Variants in DCLK1 observed in about 807,000 individuals in gnomAD.
DCLK1 encodes serine/threonine-protein kinase DCLK1.
A neutral mutation model predicts 86.2 loss-of-function variants in DCLK1; 16 were observed. The observed-to-expected ratio is 0.19, with a 90% CI of 0.13 to 0.28. The LOEUF (loss-of-function observed/expected upper bound fraction) is 0.28. DCLK1 is among the 10% of genes least tolerant of loss of function. DCLK1 has a pLI of 1.00. For missense variants in DCLK1, 590 were observed against 940.2 expected (o/e 0.63, Z 4.87); for synonymous variants, 369 against 370.5 (o/e 1.00, Z 0.05).
At chr13:35,825,255 G>A (rs1262922850) in intron 10 of DCLK1, among the ~76,000 whole-genome samples, 1 of 152,178 alleles carries the variant, frequency 6.6e-6, no homozygotes, top group Admixed American at 6.5e-5. Flanking sequence ...AGTCTTTCAA[G>A]TCAAGCCTGG....
chr13:35,770,440 CAATT>C lies in DCLK1; in HGVS notation c.*4091_*4094del, dbSNP rs987739403. The C allele has an allele frequency of 2.1e-4, 32 of 152,232 alleles. No homozygotes were observed. Among genetic ancestry groups the C allele is most frequent in the African/African-American group, 7.5e-4 (31 of 41,540 alleles). The allele number at this position is 152,232 out of a possible 1,614,324, so 9.4% of individuals were successfully genotyped here. On this transcript the variant is annotated 3_prime_UTR_variant, in exon 17 of 17. Coordinates refer to ENST00000360631, the MANE Select transcript of DCLK1 (RefSeq NM_001330071.2). ...ACTAGAATGGCTCCATGAAATTTGA[CAATT>C]AAGTAAGGAAATCTTTATCCCCAAA...
chr13:36,082,270 T>G (rs1211541381), intron 3 of DCLK1, among the ~76,000 whole-genome samples: 1 of 152,178 alleles, frequency 6.6e-6, no homozygotes, highest in African/African-American at 2.4e-5. Flanking sequence ...TTTATGGTGA[T>G]CCACTTCCAC....
chr13:36,012,206 T>C (rs1223722094), intron 3 of DCLK1, among the ~76,000 whole-genome samples: 1 of 138,954 alleles, frequency 7.2e-6, no homozygotes, highest in Non-Finnish European at 1.5e-5. Context: ...GTCTTTTAAT[T>C]GGAGAATTTA....
At chr13:35,992,496 A>C (rs1219919504) in intron 3 of DCLK1, among the ~76,000 whole-genome samples, 1 of 151,924 alleles carries the variant, frequency 6.6e-6, no homozygotes, top group Non-Finnish European at 1.5e-5. Flanking sequence ...GGTGAAACAA[A>C]GGGTTATACA....
chr13:35,938,388 G>C (rs985396735), intron 4 of DCLK1, among the ~76,000 whole-genome samples: 1 of 152,142 alleles, frequency 6.6e-6, no homozygotes, highest in Non-Finnish European at 1.5e-5. Context: ...CCAGCACTTT[G>C]GGAGGCCAAA....
rs1555345745 is a variant in DCLK1 at position 35,867,949 on chromosome 13, G to GAAAGAAAGAAAGAAA, written c.940+3260_940+3274dup. On this transcript the variant is annotated intron_variant, in intron 5 of 16. Coordinates refer to ENST00000360631, the MANE Select transcript of DCLK1 (RefSeq NM_001330071.2). ...AGAAAGAAAGAAAGAAAGAAAGAAAGAAAGAAAGAAAGAAAGAGAAAAAGA... is the reference window on the plus strand; with the variant it reads ...AGAAAGAAAGAAAGAAAGAAAGAAAGAAAGAAAGAAAGAAAAAAGAAAGAAAGAAAGAGAAAAAGA... Among the ~76,000 whole-genome samples, 1,322 of 140,742 alleles carry GAAAGAAAGAAAGAAA rather than the reference G, an allele frequency of 9.4e-3. 37 individuals are homozygous for GAAAGAAAGAAAGAAA. The highest frequency in any genetic ancestry group is 0.034 in the African/African-American group (1,252 of 37,308). The allele number at this position is 140,742 out of a possible 152,430, so 92.3% of individuals were successfully genotyped here.
intron 3 of DCLK1, among the ~76,000 whole-genome samples, chr13:35,951,117 G>A (rs1021339993): frequency 2.0e-5 from 3 of 151,850 alleles, no homozygotes; most frequent in Non-Finnish European, 4.4e-5. Context: ...TCAAGTTAAA[G>A]TTCATCTTTC....
chr13:35,770,972 T>C lies in DCLK1; in HGVS notation c.*3563A>G, dbSNP rs2086321487. ...AACCTTTGAGAATAGGAGTTTATCA[T>C]AGAAATGCTGACAGATCCTAACCCA... is the stretch of plus-strand genomic sequence containing the variant. On this transcript the variant is annotated 3_prime_UTR_variant, in exon 17 of 17. Transcript: ENST00000360631. 2 of 152,210 alleles carry C rather than the reference T, an allele frequency of 1.3e-5. No homozygotes were observed. Among genetic ancestry groups the C allele is most frequent in the Admixed American group, 1.3e-4 (2 of 15,274 alleles). 9.4% of individuals were successfully genotyped at this position (152,210 alleles called of 1,614,324 possible). A position where few individuals can be genotyped will look rare whatever the true frequency, so the allele number is the denominator to read the frequency against.
Position 35,936,962 on chromosome 13 carries a change from C to CTTTTTTTTTTTTTTTTTTTTTTTTT in DCLK1, c.823+10371_823+10395dup, listed in dbSNP as rs140269668. Among the ~76,000 whole-genome samples the CTTTTTTTTTTTTTTTTTTTTTTTTT allele has an allele frequency of 1.1e-3, 73 of 65,732 alleles. 6 individuals are homozygous for CTTTTTTTTTTTTTTTTTTTTTTTTT. The highest frequency in any genetic ancestry group is 1.9e-3 in the East Asian group (3 of 1,620). 43.1% of individuals were successfully genotyped at this position (65,732 alleles called of 152,430 possible). The stretch of plus-strand genomic sequence containing the variant: ...TTAAAACATCCAAAAGAAAAGTTAG[C>CTTTTTTTTTTTTTTTTTTTTTTTTT]TTTTTTTTTTTTTTTTTTTTTTTTT... On this transcript the variant is annotated intron_variant, in intron 4 of 16. Coordinates refer to ENST00000360631, the MANE Select transcript of DCLK1 (RefSeq NM_001330071.2).
At chr13:35,803,705 TTTG>T (rs1416279104) in intron 15 of DCLK1, among the ~76,000 whole-genome samples, 8 of 152,194 alleles carry the variant, frequency 5.3e-5, no homozygotes, top group Non-Finnish European at 1.0e-4. Flanking sequence ...ACCTCAAGCT[TTTG>T]TTGTTTTGGA....
chr13:35,997,994 T>C (rs1015731917), intron 3 of DCLK1, among the ~76,000 whole-genome samples: 9 of 152,206 alleles, frequency 5.9e-5, no homozygotes, highest in Non-Finnish European at 2.9e-5. Flanking sequence ...CAGACCATTG[T>C]TGGAGTGGCA....
intron 3 of DCLK1, among the ~76,000 whole-genome samples, chr13:35,956,023 C>A (rs1877958808): frequency 6.6e-6 from 1 of 152,150 alleles, no homozygotes; most frequent in South Asian, 2.1e-4. Context: ...AGTCCTATTC[C>A]TCTGGTTTCT....
intron 3 of DCLK1, among the ~76,000 whole-genome samples, chr13:36,088,308 C>A (rs1057058507): frequency 1.3e-5 from 2 of 152,138 alleles, no homozygotes; most frequent in Non-Finnish European, 2.9e-5. Flanking sequence ...AGGGCTGAGT[C>A]CAGTGAGGGA....
In DCLK1 at chr13:35,958,593, T is replaced by C. The variant is rs560048788; in HGVS notation, c.724-11136A>G. ...TCACCATCATTTCCATCAACACCAC[T>C]ATCTCCATAAGGGGAGCCCTTACAA... On this transcript the variant is annotated intron_variant, in intron 3 of 16. Transcript: ENST00000360631. 1.4e-4 allele frequency among the ~76,000 whole-genome samples: 21 copies of C among 152,294 alleles called. No individual in the cohort carries two copies. In the South Asian group the frequency reaches 4.1e-3, roughly 30 times the overall value.
Position 36,051,258 on chromosome 13 carries a change from A to C in DCLK1, c.723+60611T>G, listed in dbSNP as rs913449313. Among the ~76,000 whole-genome samples, 12 of 152,160 alleles carry C rather than the reference A, an allele frequency of 7.9e-5. No homozygotes were observed. In the South Asian group the frequency reaches 2.5e-3, roughly 32 times the overall value. On this transcript the variant is annotated intron_variant, in intron 3 of 16. Coordinates refer to ENST00000360631, the MANE Select transcript of DCLK1 (RefSeq NM_001330071.2). ...ATCTTTAAGGATTCATTTTTTGCCTATCTGGTCATCAAGGTCCCTGGAGAC... is the reference window on the plus strand; with the variant it reads ...ATCTTTAAGGATTCATTTTTTGCCTCTCTGGTCATCAAGGTCCCTGGAGAC...
intron 8 of DCLK1, 149 bp downstream of exon 8, chr13:35,835,884 T>A: frequency 3.5e-6 from 2 of 568,154 alleles, no homozygotes; most frequent in Non-Finnish European, 3.1e-6. Context: ...GTTAGATGGG[T>A]CTTTCTTTTG....
chr13:35,995,290 A>G (rs1179223416), intron 3 of DCLK1, among the ~76,000 whole-genome samples: 1 of 152,212 alleles, frequency 6.6e-6, no homozygotes, highest in Non-Finnish European at 1.5e-5. Flanking sequence ...GATTCAGTGG[A>G]GGAAATGACT....
At chr13:35,815,470 G>C (rs1448437957) in intron 11 of DCLK1, among the ~76,000 whole-genome samples, 2 of 152,098 alleles carry the variant, frequency 1.3e-5, no homozygotes, top group Non-Finnish European at 2.9e-5. Context: ...ATGAAACGTT[G>C]GCTAATGAAT....
chr13:36,114,481 C>A (rs1337049917), intron 2 of DCLK1, among the ~76,000 whole-genome samples: 1 of 152,184 alleles, frequency 6.6e-6, no homozygotes, highest in African/African-American at 2.4e-5. Context: ...GAGCTGCCAC[C>A]AAATCCAAGA....
Sources: allele counts gnomAD v4.1 joint callset (sites outside exome capture counted in the v4.1 genomes callset), GRCh38; gene constraint gnomAD v4.1.1; transcripts MANE v1.5; gene names NCBI Gene and HGNC (gene_info 2026-07-23, HGNC 2026-07-21).